Variants in AKT2 observed in about 807,000 individuals in gnomAD.
AKT2 encodes RAC-beta serine/threonine-protein kinase.
A neutral mutation model predicts 58.6 loss-of-function variants in AKT2; 16 were observed. The ratio of observed to expected loss-of-function variants is 0.27; its 90% CI spans 0.18 to 0.41. The LOEUF (loss-of-function observed/expected upper bound fraction) is 0.41. AKT2 is among the 10% of genes least tolerant of loss of function. AKT2 has a pLI of 1.00. For missense variants in AKT2, 438 were observed against 661.0 expected (o/e 0.66, Z 3.70); for synonymous variants, 253 against 254.0 (o/e 1.00, Z 0.04).
chr19:40,283,826 A>G (rs551996372), intron 1 of AKT2, among the ~76,000 whole-genome samples: 2 of 152,298 alleles, frequency 1.3e-5, no homozygotes, highest in Admixed American at 1.3e-4. Context: ...CCCTTGGCCT[A>G]TGCAAAGAGG....
intron 1 of AKT2, chr19:40,274,546 C>T (rs1002791333): frequency 1.2e-5 from 2 of 163,136 alleles, no homozygotes; most frequent in Non-Finnish European, 2.7e-5. Flanking sequence ...CCAAAGCTAA[C>T]AAATGCCATG....
At chr19:40,260,464 T>C (rs1337324002) in intron 2 of AKT2, among the ~76,000 whole-genome samples, 3 of 151,660 alleles carry the variant, frequency 2.0e-5, no homozygotes, top group Non-Finnish European at 2.9e-5. Context: ...ACCCCATCTC[T>C]ACTAAAAATA....
intron 2 of AKT2, among the ~76,000 whole-genome samples, chr19:40,258,329 G>A (rs141116422): frequency 2.3e-3 from 341 of 149,052 alleles, no homozygotes; most frequent in African/African-American, 8.2e-3. Context: ...CAACTGAACT[G>A]TATGCTTTAA....
chr19:40,253,826 T>C (rs1039341367), intron 4 of AKT2, among the ~76,000 whole-genome samples: 5 of 149,776 alleles, frequency 3.3e-5, no homozygotes, highest in African/African-American at 1.2e-4. Flanking sequence ...AACGGCTAAA[T>C]AAACACACTT....
At position 40,233,606 on chromosome 19, in the gene AKT2, A is replaced by G. The variant is rs33933140; in HGVS notation, c.*266T>C. 0.46 allele frequency: 337,453 copies of G among 726,250 alleles called. 82,696 individuals carry two copies. The highest frequency in any genetic ancestry group is 0.59 in the South Asian group (43,426 of 73,402). 45.0% of individuals were successfully genotyped at this position (726,250 alleles called of 1,614,324 possible). A position where few individuals can be genotyped will look rare whatever the true frequency, so the allele number is the denominator to read the frequency against. On this transcript the variant is annotated 3_prime_UTR_variant, in exon 14 of 14. Coordinates refer to ENST00000392038, the MANE Select transcript of AKT2 (RefSeq NM_001626.6). The surrounding 1 kb of genome is among the most constrained non-coding windows in gnomAD (Gnocchi z 4.3). Reference sequence around the variant, plus strand: ...GGGGCTTGTGTGGATTAAAACCTGAATCTCCAACCGCCCAACAGCCCAGGC... The same window carrying G: ...GGGGCTTGTGTGGATTAAAACCTGAGTCTCCAACCGCCCAACAGCCCAGGC...
chr19:40,256,790 G>A (rs778670128), intron 3 of AKT2, 136 bp downstream of exon 3: 174 of 1,351,226 alleles, frequency 1.3e-4, no homozygotes, highest in Middle Eastern at 1.8e-4. Context: ...GAGAGCAGGG[G>A]AAGGGTGAAA....
chr19:40,233,393 A>C lies in AKT2; in HGVS notation c.*479T>G. On this transcript the variant is annotated 3_prime_UTR_variant, in exon 14 of 14. Transcript: ENST00000392038. This position sits in a 1 kb window ranked among gnomAD's most constrained non-coding sequence, Gnocchi z 4.3. ...AGGGGGACAGCGGGTGGGGGATTGG[A>C]CCGCCCCGTGCCTGGCCACTCCGAG... 2.2e-6 allele frequency: 1 copy of C among 446,950 alleles called. No individual in the cohort carries two copies. The highest frequency in any genetic ancestry group is 4.2e-6 in the Non-Finnish European group (1 of 236,006). 27.7% of individuals were successfully genotyped at this position (446,950 alleles called of 1,614,324 possible).
intron 2 of AKT2, among the ~76,000 whole-genome samples, chr19:40,263,418 G>C (rs1287875956): frequency 6.6e-6 from 1 of 152,232 alleles, no homozygotes; most frequent in Non-Finnish European, 1.5e-5. Flanking sequence ...TACCCTTGTA[G>C]AGCTGACAAC....
chr19:40,231,187 G>A lies in AKT2; in HGVS notation c.*2685C>T, dbSNP rs1240844607. The A allele has an allele frequency of 1.3e-5, 3 of 231,766 alleles. No homozygotes were observed. Among genetic ancestry groups the A allele is most frequent in the East Asian group, 6.1e-5 (1 of 16,426 alleles). 14.4% of individuals were successfully genotyped at this position (231,766 alleles called of 1,614,324 possible). A position where few individuals can be genotyped will look rare whatever the true frequency, so the allele number is the denominator to read the frequency against. On this transcript the variant is annotated 3_prime_UTR_variant, in exon 14 of 14. Transcript: ENST00000392038. ...AGGATAACCACACATGCTCAACTAC[G>A]GGGCCAGCTGCTGCAGCTGTGGGAC... is the stretch of plus-strand genomic sequence containing the variant.
chr19:40,248,017 G>A (rs1347169394), intron 4 of AKT2, among the ~76,000 whole-genome samples: 1 of 152,218 alleles, frequency 6.6e-6, no homozygotes, highest in East Asian at 1.9e-4. Context: ...GCAAGCACAG[G>A]CTCTGGGCCA....
At chr19:40,250,057 C>T (rs182628722) in intron 4 of AKT2, among the ~76,000 whole-genome samples, 4 of 152,268 alleles carry the variant, frequency 2.6e-5, no homozygotes, top group African/African-American at 9.6e-5. Flanking sequence ...CAAGGAGACA[C>T]GTGGCTAAGT....
At chr19:40,261,656 C>T (rs564322260) in intron 2 of AKT2, among the ~76,000 whole-genome samples, 10 of 151,888 alleles carry the variant, frequency 6.6e-5, no homozygotes, top group Admixed American at 4.6e-4. Context: ...ACCTCCAGAA[C>T]GGTAAGAAAT....
At position 40,234,937 on chromosome 19, in the gene AKT2, C is replaced by A; in HGVS notation, c.1366+108G>T. On this transcript the variant is annotated intron_variant, in intron 13 of 13. Transcript: ENST00000392038. This position sits in a 1 kb window ranked among gnomAD's most constrained non-coding sequence, Gnocchi z 4.7. The stretch of plus-strand genomic sequence containing the variant: ...AGCAGACTTGGGGAAATCTCCCAGA[C>A]ATGAAGCGGGGGCCTTCGAGGGCCC... 9.7e-7 allele frequency: 1 copy of A among 1,030,832 alleles called. No individual in the cohort carries two copies. Among genetic ancestry groups the A allele is most frequent in the South Asian group, 1.3e-5 (1 of 75,382 alleles). The allele number at this position is 1,030,832 out of a possible 1,614,324, so 63.9% of individuals were successfully genotyped here.
intron 10 of AKT2, 63 bp downstream of exon 10, chr19:40,236,194 C>T (rs2145166653): frequency 5.6e-6 from 9 of 1,613,464 alleles, no homozygotes; most frequent in Non-Finnish European, 7.6e-6. Context: ...TGGAAACACA[C>T]AGGTCTGGGG....
chr19:40,240,212 C>A lies in AKT2; in HGVS notation c.574-102G>T, dbSNP rs1599970673. ...GCCTTGTGAAATGCAATTCCATTCC[C>A]AGCCATAAATGCAGAAAATCACAGG... On this transcript the variant is annotated intron_variant, in intron 6 of 13. Coordinates refer to ENST00000392038, the MANE Select transcript of AKT2 (RefSeq NM_001626.6). The A allele has an allele frequency of 1.5e-5, 18 of 1,220,918 alleles. No individual in the cohort carries two copies. In the East Asian group the frequency reaches 4.2e-4, roughly 28 times the overall value. 75.6% of individuals were successfully genotyped at this position (1,220,918 alleles called of 1,614,324 possible). A position where few individuals can be genotyped will look rare whatever the true frequency, so the allele number is the denominator to read the frequency against.
intron 1 of AKT2, among the ~76,000 whole-genome samples, chr19:40,272,607 G>A (rs1014455734): frequency 6.6e-6 from 1 of 152,140 alleles, no homozygotes. Flanking sequence ...ATTGAGATTG[G>A]CATGTACCTT....
intron 2 of AKT2, among the ~76,000 whole-genome samples, chr19:40,260,750 G>A (rs188430408): frequency 2.0e-5 from 3 of 148,908 alleles, no homozygotes; most frequent in Admixed American, 6.7e-5. Context: ...AAGAAGGAAC[G>A]ACATATTGAT....
chr19:40,254,904 C>T (rs985973241), intron 4 of AKT2, among the ~76,000 whole-genome samples: 3 of 152,028 alleles, frequency 2.0e-5, no homozygotes, highest in Admixed American at 6.5e-5. Context: ...GGTCTTGAGG[C>T]GAGGCCCAGC....
chr19:40,236,775 G>A (rs541837222), intron 9 of AKT2: 11 of 303,374 alleles, frequency 3.6e-5, no homozygotes, highest in African/African-American at 1.1e-4. Flanking sequence ...TGTAATCCCA[G>A]CAATTTGGGG....
Sources: gnomAD v4.1 joint callset for allele counts (sites outside exome capture counted in the v4.1 genomes callset) on GRCh38, gnomAD v4.1.1 for gene constraint, Gnocchi (gnomAD v3.1) non-coding constraint, MANE v1.5 for transcripts, NCBI Gene and HGNC (gene_info 2026-07-23, HGNC 2026-07-21) for gene names.